Variants in TAFA5 observed in about 807,000 individuals in gnomAD.
TAFA5 encodes TAFA chemokine like family member 5.
Under a neutral mutation model 15.3 loss-of-function variants are expected in TAFA5, and 6 were observed. The observed-to-expected ratio is 0.39, with a 90% CI of 0.21 to 0.77. The LOEUF (loss-of-function observed/expected upper bound fraction) is 0.77, where lower values mean the gene tolerates loss of function less well. TAFA5 is among the 30% of genes least tolerant of loss of function. The probability of loss-of-function intolerance (pLI) is 0.41; values close to 1 mark genes in which losing one functional copy is unlikely to be tolerated. For missense variants in TAFA5, 161 were observed against 193.1 expected, an observed-to-expected ratio of 0.83 and a Z score of 0.98; for synonymous variants, 103 against 80.7, an observed-to-expected ratio of 1.28 and a Z score of -1.48.
At chr22:48,612,789 G>A (rs1041014064) in intron 1 of TAFA5, among the ~76,000 whole-genome samples, 2 of 152,264 alleles carry the variant, frequency 1.3e-5, no homozygotes, top group South Asian at 2.1e-4. Flanking sequence ...TGTGCCCAGG[G>A]CCCGCTGATG....
At chr22:48,744,258 C>T (rs1211802366) in intron 3 of TAFA5, among the ~76,000 whole-genome samples, 3 of 152,266 alleles carry the variant, frequency 2.0e-5, no homozygotes, top group South Asian at 2.1e-4. Context: ...GGGCCCTGTG[C>T]GTTGAGCATC....
At chr22:48,688,960 C>A (rs1928449574) in intron 2 of TAFA5, among the ~76,000 whole-genome samples, 1 of 147,992 alleles carries the variant, frequency 6.8e-6, no homozygotes, top group Non-Finnish European at 1.5e-5. Flanking sequence ...CCACTGCACT[C>A]CAGCCTGGGT....
At position 48,552,814 on chromosome 22, in the gene TAFA5, A is replaced by G. The variant is rs1922902788; in HGVS notation, c.112+63110A>G. On this transcript the variant is annotated intron_variant, in intron 1 of 3. Coordinates refer to ENST00000402357, the MANE Select transcript of TAFA5 (RefSeq NM_001082967.3). The surrounding 1 kb of genome is among the most constrained non-coding windows in gnomAD (Gnocchi z 4.1). ...GAGGGGCAGCTGGGATTGCACCTAT[A>G]TGGGGCTTCCAGGGCTCACCCCGAG... Among the ~76,000 whole-genome samples the G allele has an allele frequency of 6.6e-6, 1 of 151,998 alleles. No individual in the cohort carries two copies. Among genetic ancestry groups the G allele is most frequent in the African/African-American group, 2.4e-5 (1 of 41,412 alleles).
At chr22:48,648,313 C>T (rs1374412320) in intron 2 of TAFA5, among the ~76,000 whole-genome samples, 1 of 152,134 alleles carries the variant, frequency 6.6e-6, no homozygotes, top group Admixed American at 6.5e-5. Flanking sequence ...CTTTCCTCCC[C>T]CACTCCCCCT....
At chr22:48,681,421 T>G (rs1928180704) in intron 2 of TAFA5, among the ~76,000 whole-genome samples, 1 of 151,366 alleles carries the variant, frequency 6.6e-6, no homozygotes, top group East Asian at 1.9e-4. Flanking sequence ...GGCGGGTGGA[T>G]TGCCTGAGCT....
Position 48,573,886 on chromosome 22 carries a change from G to A in TAFA5, c.113-72711G>A, listed in dbSNP as rs5768741. On this transcript the variant is annotated intron_variant, in intron 1 of 3. Transcript: ENST00000402357. ...GGGACACAGTGAGTGTCAAGGGCAG[G>A]CTCTCTCTCCTGATTGAGGTCCCTT... 0.012 allele frequency among the ~76,000 whole-genome samples: 1,873 copies of A among 152,270 alleles called. 139 individuals are homozygous for A. The East Asian group carries it at 0.23, about 18-fold the overall frequency.
chr22:48,618,646 G>A (rs541018513), intron 1 of TAFA5, among the ~76,000 whole-genome samples: 13 of 152,320 alleles, frequency 8.5e-5, no homozygotes, highest in African/African-American at 1.4e-4. Flanking sequence ...CCGCAGCTCC[G>A]TCTGGGAGGT....
intron 2 of TAFA5, among the ~76,000 whole-genome samples, chr22:48,687,649 A>T (rs1020636514): frequency 6.6e-6 from 1 of 152,012 alleles, no homozygotes; most frequent in Non-Finnish European, 1.5e-5. Flanking sequence ...TCCACTTGTA[A>T]ACAGGACCAT....
intron 1 of TAFA5, among the ~76,000 whole-genome samples, chr22:48,542,501 C>CAT (rs1569019134): frequency 4.8e-4 from 16 of 33,368 alleles, no homozygotes; most frequent in Admixed American, 8.1e-4. Context: ...GGTGTGTGTG[C>CAT]GTGTGTGGCA....
intron 1 of TAFA5, among the ~76,000 whole-genome samples, chr22:48,492,728 G>T (rs1275465540): frequency 6.6e-6 from 1 of 151,998 alleles, no homozygotes; most frequent in East Asian, 1.9e-4. Context: ...CGACCATCAC[G>T]GTGACAGCAG....
At chr22:48,585,670 A>G (rs1217267889) in intron 1 of TAFA5, among the ~76,000 whole-genome samples, 2 of 151,802 alleles carry the variant, frequency 1.3e-5, no homozygotes, top group African/African-American at 2.4e-5. Context: ...CACACACCAC[A>G]CACACCACAA....
chr22:48,607,124 G>A (rs1925219922), intron 1 of TAFA5, among the ~76,000 whole-genome samples: 3 of 152,372 alleles, frequency 2.0e-5, no homozygotes, highest in Middle Eastern at 6.8e-3. Flanking sequence ...GGTCCCGTTA[G>A]CCTCGGAGGC....
At chr22:48,495,848 A>C (rs1444935967) in intron 1 of TAFA5, among the ~76,000 whole-genome samples, 1 of 152,130 alleles carries the variant, frequency 6.6e-6, no homozygotes, top group African/African-American at 2.4e-5. Context: ...CAGGGCGCCC[A>C]AAGCTGAGCC....
intron 1 of TAFA5, among the ~76,000 whole-genome samples, chr22:48,624,269 C>T (rs918602780): frequency 6.6e-6 from 1 of 152,194 alleles, no homozygotes; most frequent in African/African-American, 2.4e-5. Context: ...ATCGGGGCAT[C>T]CACTGTCATG....
At chr22:48,525,809 T>G (rs1921762415) in intron 1 of TAFA5, among the ~76,000 whole-genome samples, 1 of 152,306 alleles carries the variant, frequency 6.6e-6, no homozygotes. Context: ...CATTCTCGCC[T>G]TACTCTCCCC....
At chr22:48,741,316 C>A (rs575523130) in intron 3 of TAFA5, among the ~76,000 whole-genome samples, 5 of 152,154 alleles carry the variant, frequency 3.3e-5, no homozygotes, top group African/African-American at 4.8e-5. Context: ...AAGCTGGAAC[C>A]GTCCTCACCG....
At chr22:48,688,604 T>C (rs1292048494) in intron 2 of TAFA5, among the ~76,000 whole-genome samples, 2 of 152,078 alleles carry the variant, frequency 1.3e-5, no homozygotes, top group African/African-American at 4.8e-5. Flanking sequence ...CCTGGCCGGC[T>C]CCTCCCTGGG....
chr22:48,555,290 C>T (rs1035137305), intron 1 of TAFA5, among the ~76,000 whole-genome samples: 8 of 152,180 alleles, frequency 5.3e-5, no homozygotes, highest in African/African-American at 1.9e-4. Context: ...GACCGGCTTC[C>T]CAGGTGCCTG....
chr22:48,580,088 C>A (rs1923978683), intron 1 of TAFA5, among the ~76,000 whole-genome samples: 1 of 152,212 alleles, frequency 6.6e-6, no homozygotes, highest in South Asian at 2.1e-4. Context: ...GGCCTCGATT[C>A]CAGAAGCGCT....
Sources: gnomAD v4.1 joint callset for allele counts (sites outside exome capture counted in the v4.1 genomes callset) on GRCh38, gnomAD v4.1.1 for gene constraint, Gnocchi (gnomAD v3.1) non-coding constraint, MANE v1.5 for transcripts, NCBI Gene and HGNC (gene_info 2026-07-23, HGNC 2026-07-21) for gene names.